CEP112: variants seen among roughly 807,000 people sequenced by gnomAD.
The protein encoded by CEP112 is centrosomal protein of 112 kDa.
CEP112 carries 127 observed loss-of-function variants against 153.0 expected under a neutral mutation model. That is an observed-to-expected ratio of 0.83 (90% CI 0.72 to 0.96). The LOEUF (loss-of-function observed/expected upper bound fraction) is 0.96. CEP112 is among the 40% of genes least tolerant of loss of function. CEP112 has a pLI of 0.00. For synonymous variants in CEP112, 358 were observed against 374.4 expected (o/e 0.96, Z 0.51); for missense variants, 1,089 against 1,101.2 (o/e 0.99, Z 0.16).
chr17:66,129,932 T>C, intron 5 of CEP112, 109 bp from the exon 6 acceptor site: 2 of 501,382 alleles, frequency 4.0e-6, no homozygotes, highest in East Asian at 3.4e-5. Flanking sequence ...TAAAGGGAAA[T>C]AAAGAGGAAG....
At chr17:65,729,853 C>A (rs2050397583) in intron 23 of CEP112, among the ~76,000 whole-genome samples, 1 of 152,136 alleles carries the variant, frequency 6.6e-6, no homozygotes, top group Non-Finnish European at 1.5e-5. Flanking sequence ...TTGGAGGCTG[C>A]AGAGAGCCAA....
intron 17 of CEP112, among the ~76,000 whole-genome samples, chr17:65,973,319 C>T (rs2062917651): frequency 6.6e-6 from 1 of 151,880 alleles, no homozygotes. Context: ...AATGAACAGG[C>T]AAGTCACAGA....
chr17:65,803,430 T>C (rs1598628775), intron 21 of CEP112, among the ~76,000 whole-genome samples: 1 of 152,218 alleles, frequency 6.6e-6, no homozygotes, highest in South Asian at 2.1e-4. Flanking sequence ...TTCTCTACCA[T>C]GCATCATTTT....
intron 23 of CEP112, among the ~76,000 whole-genome samples, chr17:65,715,311 A>T (rs1295972566): frequency 6.6e-6 from 1 of 152,170 alleles, no homozygotes; most frequent in African/African-American, 2.4e-5. Flanking sequence ...AAGAGGAATT[A>T]GAGTTGAAAT....
In CEP112 at chr17:65,663,079, CT is replaced by C. The variant is rs552359682; in HGVS notation, c.2698-22015del. Among the ~76,000 whole-genome samples, 268 of 152,232 alleles carry C rather than the reference CT, an allele frequency of 1.8e-3. 2 individuals carry two copies. The highest frequency in any genetic ancestry group is 3.2e-3 in the African/African-American group (131 of 41,534). On this transcript the variant is annotated intron_variant, in intron 24 of 26. Transcript: ENST00000535342. Reference sequence around the variant, plus strand: ...TTTAGGGATAAGGGTACTATTTTATCTTGTATGATGTTAACTTTTTTCATCC... The same window carrying C: ...TTTAGGGATAAGGGTACTATTTTATCTGTATGATGTTAACTTTTTTCATCC...
intron 24 of CEP112, among the ~76,000 whole-genome samples, chr17:65,663,085 T>G (rs1040936916): frequency 6.6e-6 from 1 of 152,224 alleles, no homozygotes; most frequent in Admixed American, 6.5e-5. Flanking sequence ...TTATCTTGTA[T>G]GATGTTAACT....
At chr17:65,793,657 T>G (rs138633098) in intron 21 of CEP112, among the ~76,000 whole-genome samples, 43 of 152,324 alleles carry the variant, frequency 2.8e-4, no homozygotes, top group African/African-American at 9.9e-4. Context: ...CATAGACACA[T>G]TTTCCTTTAT....
intron 8 of CEP112, 54 bp from the exon 9 acceptor site, chr17:66,070,055 A>G: frequency 1.0e-6 from 1 of 976,610 alleles, no homozygotes; most frequent in Non-Finnish European, 1.6e-6. Flanking sequence ...TTTGGCAAAA[A>G]ATACACAATT....
chr17:66,165,243 G>GC (rs36118619), intron 4 of CEP112, among the ~76,000 whole-genome samples: 5,171 of 151,210 alleles, frequency 0.034, 131 homozygotes, highest in Middle Eastern at 0.061. Flanking sequence ...CAACACAGTA[G>GC]CCCCTAATCA....
chr17:65,663,940 G>A (rs1283466132), intron 24 of CEP112, among the ~76,000 whole-genome samples: 1 of 152,192 alleles, frequency 6.6e-6, no homozygotes, highest in African/African-American at 2.4e-5. Flanking sequence ...CAGCTACTCG[G>A]CAGGCTGAGG....
intron 8 of CEP112, 70 bp downstream of exon 8, chr17:66,096,181 G>A: frequency 4.4e-6 from 5 of 1,131,940 alleles, no homozygotes; most frequent in Non-Finnish European, 6.3e-6. Context: ...ACTAAAACCT[G>A]AAAACCTAGA....
intron 20 of CEP112, among the ~76,000 whole-genome samples, chr17:65,888,611 C>T (rs953934092): frequency 2.0e-5 from 3 of 152,010 alleles, no homozygotes; most frequent in Admixed American, 1.3e-4. Flanking sequence ...TTTTGGAATG[C>T]ATTCATGAGT....
intron 21 of CEP112, among the ~76,000 whole-genome samples, chr17:65,767,357 T>C (rs1217778812): frequency 6.6e-6 from 1 of 151,798 alleles, no homozygotes; most frequent in African/African-American, 2.4e-5. Flanking sequence ...AAACACAACA[T>C]ACCAAAACCT....
intron 17 of CEP112, among the ~76,000 whole-genome samples, chr17:65,981,215 T>C (rs905008183): frequency 1.3e-5 from 2 of 152,202 alleles, no homozygotes; most frequent in Non-Finnish European, 2.9e-5. Context: ...TATGGAAGAA[T>C]AAATCTATAG....
intron 20 of CEP112, chr17:65,873,748 G>A (rs2058738274): frequency 6.6e-6 from 1 of 152,162 alleles, no homozygotes; most frequent in East Asian, 1.9e-4. Context: ...AAGGAGGCAG[G>A]AACTTAACTA....
At chr17:65,935,720 C>T (rs926182869) in intron 18 of CEP112, among the ~76,000 whole-genome samples, 3 of 151,116 alleles carry the variant, frequency 2.0e-5, no homozygotes, top group East Asian at 1.9e-4. Context: ...CAAACAAAAA[C>T]GGGACACAGG....
intron 20 of CEP112, 43 bp from the exon 21 acceptor site, chr17:65,852,077 G>A: frequency 2.1e-6 from 3 of 1,396,030 alleles, no homozygotes; most frequent in African/African-American, 1.4e-5. Context: ...ATATCAATAG[G>A]GAAGTCACAA....
At chr17:65,875,356 G>C (rs2077013570) in intron 20 of CEP112, among the ~76,000 whole-genome samples, 1 of 152,016 alleles carries the variant, frequency 6.6e-6, no homozygotes, top group African/African-American at 2.4e-5. Context: ...AAACCAAGTA[G>C]TATAGAAATG....
At chr17:65,970,006 ATG>A (rs1217206922) in intron 17 of CEP112, among the ~76,000 whole-genome samples, 3 of 152,140 alleles carry the variant, frequency 2.0e-5, no homozygotes, top group Non-Finnish European at 4.4e-5. Context: ...CACATATCAC[ATG>A]TGTATTGCGA....
Sources: gnomAD v4.1 joint callset for allele counts (sites outside exome capture counted in the v4.1 genomes callset) on GRCh38, gnomAD v4.1.1 for gene constraint, MANE v1.5 for transcripts, NCBI Gene and HGNC (gene_info 2026-07-23, HGNC 2026-07-21) for gene names.